Variants in DROSHA observed in about 807,000 individuals in gnomAD.
DROSHA encodes the protein drosha ribonuclease III.
In DROSHA, 56 loss-of-function variants were observed where a neutral mutation model predicts 181.9. The ratio of observed to expected loss-of-function variants is 0.31; its 90% CI spans 0.25 to 0.38. DROSHA has a LOEUF of 0.38. Among genes scored for constraint, DROSHA ranks in the 10% least tolerant of loss-of-function variants. DROSHA has a pLI of 1.00. For synonymous variants in DROSHA, 524 were observed against 591.2 expected, an observed-to-expected ratio of 0.89 and a Z score of 1.65; for missense variants, 1,218 against 1,743.5, an observed-to-expected ratio of 0.70 and a Z score of 5.37.
At chr5:31,477,739 A>G (rs573265268) in intron 16 of DROSHA, among the ~76,000 whole-genome samples, 87 of 152,326 alleles carry the variant, frequency 5.7e-4, no homozygotes, top group Admixed American at 4.4e-3. Context: ...ATCACGACCT[A>G]CCTTTGCCCC....
At chr5:31,448,464 CTGAAT>C in intron 23 of DROSHA, 78 bp downstream of exon 23, 1 of 1,296,670 alleles carries the variant, frequency 7.7e-7, no homozygotes, top group Non-Finnish European at 1.1e-6. Flanking sequence ...CTAAAAACCA[CTGAAT>C]TGTATGCTTT....
chr5:31,488,135 G>A (rs950186272), intron 13 of DROSHA, among the ~76,000 whole-genome samples: 3 of 152,056 alleles, frequency 2.0e-5, no homozygotes, highest in African/African-American at 4.8e-5. Context: ...GATGAGGAGG[G>A]GCCGGGCACG....
chr5:31,518,808 T>C (rs566217359), intron 6 of DROSHA, among the ~76,000 whole-genome samples: 2 of 152,240 alleles, frequency 1.3e-5, no homozygotes, highest in Admixed American at 1.3e-4. Flanking sequence ...CATTTCATCA[T>C]GTTCTAAAAA....
chr5:31,510,832 G>A (rs1738584409), intron 9 of DROSHA, among the ~76,000 whole-genome samples: 1 of 152,226 alleles, frequency 6.6e-6, no homozygotes, highest in Admixed American at 6.5e-5. Flanking sequence ...TGAGATCGCT[G>A]CTGTATTCTG....
chr5:31,413,124 C>T (rs1387218602), intron 30 of DROSHA, among the ~76,000 whole-genome samples: 1 of 152,200 alleles, frequency 6.6e-6, no homozygotes, highest in Admixed American at 6.5e-5. Context: ...CAGGGCCCCT[C>T]ACTCAGTGCT....
At chr5:31,417,888 T>C (rs1451963968) in intron 30 of DROSHA, among the ~76,000 whole-genome samples, 1 of 152,040 alleles carries the variant, frequency 6.6e-6, no homozygotes, top group Non-Finnish European at 1.5e-5. Context: ...GGGCATGAGT[T>C]GACATAGGAA....
chr5:31,529,759 A>AAAAC (rs1741052854), intron 3 of DROSHA, among the ~76,000 whole-genome samples: 1 of 151,494 alleles, frequency 6.6e-6, no homozygotes, highest in African/African-American at 2.4e-5. Context: ...AAAAAAAAAA[A>AAAAC]CAAACCATGT....
rs139772783 is a variant in DROSHA at position 31,469,641 on chromosome 5, G to A, written c.2242-1578C>T. On this transcript the variant is annotated intron_variant, in intron 17 of 35. Coordinates refer to ENST00000344624, the MANE Select transcript of DROSHA (RefSeq NM_001382508.1). ...AATAGAATGCTATTGAATTATTCAT[G>A]TTTCTGTGATTTTAAACACCATGCC... Among the ~76,000 whole-genome samples, 1,062 of 152,280 alleles carry A rather than the reference G, an allele frequency of 7.0e-3. 6 individuals carry two copies. The highest frequency in any genetic ancestry group is 9.7e-3 in the Non-Finnish European group (662 of 68,028).
intron 18 of DROSHA, chr5:31,466,610 T>C (rs1190334150): frequency 5.0e-6 from 1 of 201,556 alleles, no homozygotes; most frequent in African/African-American, 2.3e-5. Flanking sequence ...CACTGTTACC[T>C]CTTGAAAATA....
chr5:31,463,449 C>T (rs945912955), intron 20 of DROSHA, among the ~76,000 whole-genome samples: 1 of 152,154 alleles, frequency 6.6e-6, no homozygotes, highest in Non-Finnish European at 1.5e-5. Context: ...GCAACACATG[C>T]TACCATCGAA....
At chr5:31,438,394 G>C (rs1465729293) in intron 23 of DROSHA, among the ~76,000 whole-genome samples, 1 of 152,110 alleles carries the variant, frequency 6.6e-6, no homozygotes, top group Non-Finnish European at 1.5e-5. Context: ...GGAGAGGAGG[G>C]AAACAGTCAC....
intron 16 of DROSHA, among the ~76,000 whole-genome samples, chr5:31,481,921 T>C (rs1751075656): frequency 6.6e-6 from 1 of 152,170 alleles, no homozygotes; most frequent in Non-Finnish European, 1.5e-5. Flanking sequence ...CATCGGCAGC[T>C]ACAGTGGGCT....
chr5:31,487,411 T>C (rs919190591), intron 13 of DROSHA, among the ~76,000 whole-genome samples: 15 of 152,172 alleles, frequency 9.9e-5, no homozygotes, highest in Non-Finnish European at 1.8e-4. Flanking sequence ...CATCAGACAA[T>C]TGCCTACTGC....
chr5:31,403,659 A>G (rs969427948), intron 35 of DROSHA, among the ~76,000 whole-genome samples: 3 of 152,160 alleles, frequency 2.0e-5, no homozygotes, highest in African/African-American at 7.2e-5. Context: ...GTTTTTATAA[A>G]TTTTTATTGG....
chr5:31,447,076 C>T (rs1335426370), intron 23 of DROSHA, among the ~76,000 whole-genome samples: 5 of 152,102 alleles, frequency 3.3e-5, no homozygotes, highest in Non-Finnish European at 7.4e-5. Flanking sequence ...CCATGGAATA[C>T]TATGCAGCCA....
rs747288637 is a variant in DROSHA at position 31,526,315 on chromosome 5, A to T, written c.618T>A (p.His206Gln). 5.0e-6 allele frequency: 8 copies of T among 1,613,546 alleles called. No individual in the cohort carries two copies. The Admixed American group carries it at 1.2e-4, about 24-fold the overall frequency. Residue 206 changes from histidine to glutamine, a missense_variant, in exon 5 of 36, where the codon CAT becomes CAA. Physicochemically the swap from His to Gln is conservative, Grantham distance 24. Around this residue, in one of 8 missense-constraint regions of DROSHA, gnomAD observed 536 missense variants for 535.4 expected, o/e 1.00. Transcript: ENST00000344624. ...CCTTTGGGAGTGGGTATGGAGGGAG[A>T]TGTCTGAAATGAGGACTACTGCTGT... ...ANNSSSPHFR[H>Q]LPPYPLPKAP...
chr5:31,451,767 A>AT (rs1158044901), intron 20 of DROSHA, 127 bp from the exon 21 acceptor site: 4 of 679,734 alleles, frequency 5.9e-6, no homozygotes, highest in Non-Finnish European at 1.0e-5. Flanking sequence ...GAAACAGCTT[A>AT]TTGGCTGCAT....
intron 22 of DROSHA, 87 bp from the exon 23 acceptor site, chr5:31,448,694 A>C: frequency 3.1e-6 from 3 of 970,294 alleles, no homozygotes; most frequent in Admixed American, 2.2e-5. Flanking sequence ...AAATTATCTC[A>C]TCTCAATGTG....
chr5:31,463,479 G>C (rs1050118626), intron 20 of DROSHA, among the ~76,000 whole-genome samples: 4 of 152,094 alleles, frequency 2.6e-5, no homozygotes, highest in African/African-American at 9.7e-5. Context: ...TGGAAGCCTG[G>C]AAGTATTCTT....
Sources: gnomAD v4.1 joint callset for allele counts (sites outside exome capture counted in the v4.1 genomes callset) on GRCh38, gnomAD v4.1.1 for gene constraint, gnomAD v4.1.1 regional missense constraint, MANE v1.5 for transcripts, NCBI Gene and HGNC (gene_info 2026-07-23, HGNC 2026-07-21) for gene names.